The following BACE2 variants were observed in gnomAD, a reference collection of about 807,000 sequenced individuals.
BACE2 encodes 56 kDa aspartic-like protease.
A neutral mutation model predicts 46.2 loss-of-function variants in BACE2; 17 were observed. The observed-to-expected ratio is 0.37, with a 90% CI of 0.25 to 0.55. The LOEUF is 0.55. Ranked by LOEUF, BACE2 falls within the 20% of genes least tolerant of loss-of-function variation. The pLI is 0.82. For synonymous variants in BACE2, 277 were observed against 295.9 expected (o/e 0.94, Z 0.66); for missense variants, 595 against 698.1 (o/e 0.85, Z 1.66).
At chr21:41,246,186 G>A in intron 6 of BACE2, 123 bp downstream of exon 6, 2 of 562,180 alleles carry the variant, frequency 3.6e-6, no homozygotes, top group South Asian at 6.1e-5. Flanking sequence ...TTTTCATATT[G>A]TGTATTTGTA....
At chr21:41,211,466 A>C (rs1299962970) in intron 1 of BACE2, among the ~76,000 whole-genome samples, 6 of 152,252 alleles carry the variant, frequency 3.9e-5, no homozygotes, top group Non-Finnish European at 7.3e-5. Flanking sequence ...GAAATGGCGC[A>C]TGACAATTAT....
At chr21:41,263,328 C>G (rs937944838) in intron 8 of BACE2, among the ~76,000 whole-genome samples, 3 of 152,102 alleles carry the variant, frequency 2.0e-5, no homozygotes, top group African/African-American at 7.2e-5. Flanking sequence ...GAGACTTAAC[C>G]AGAAGGTTCA....
intron 5 of BACE2, among the ~76,000 whole-genome samples, chr21:41,245,200 C>T (rs1601302861): frequency 6.6e-6 from 1 of 152,314 alleles, no homozygotes; most frequent in East Asian, 1.9e-4. Flanking sequence ...TCTTAAAATT[C>T]TGAACCCCTC....
chr21:41,168,852 AG>A (rs1201991874), intron 1 of BACE2, among the ~76,000 whole-genome samples: 5 of 152,092 alleles, frequency 3.3e-5, no homozygotes, highest in Non-Finnish European at 5.9e-5. Context: ...GCGGGAGAGG[AG>A]ACCTGGAACT....
At chr21:41,225,101 G>T (rs931887729) in intron 1 of BACE2, among the ~76,000 whole-genome samples, 12 of 152,080 alleles carry the variant, frequency 7.9e-5, no homozygotes, top group Non-Finnish European at 1.8e-4. Context: ...GGGCTCGGTG[G>T]CGGGCACCTG....
intron 1 of BACE2, among the ~76,000 whole-genome samples, chr21:41,208,275 G>C (rs1402794382): frequency 6.6e-6 from 1 of 152,260 alleles, no homozygotes; most frequent in African/African-American, 2.4e-5. Flanking sequence ...CTCCACCAGA[G>C]GGGAATGTGG....
chr21:41,213,910 C>A (rs1986375272), intron 1 of BACE2, among the ~76,000 whole-genome samples: 1 of 152,104 alleles, frequency 6.6e-6, no homozygotes, highest in African/African-American at 2.4e-5. Context: ...AGCCATTTTC[C>A]TTGTCCAGAG....
At chr21:41,259,824 T>A (rs1270004803) in intron 8 of BACE2, among the ~76,000 whole-genome samples, 1 of 152,078 alleles carries the variant, frequency 6.6e-6, no homozygotes, top group Non-Finnish European at 1.5e-5. Flanking sequence ...TTTTTTTCTT[T>A]TTTTATTTTA....
At chr21:41,217,232 T>C (rs1160192273) in intron 1 of BACE2, among the ~76,000 whole-genome samples, 1 of 152,198 alleles carries the variant, frequency 6.6e-6, no homozygotes, top group Non-Finnish European at 1.5e-5. Flanking sequence ...CCCGGCCCAA[T>C]CTAGAGCTGT....
chr21:41,176,194 T>C (rs552649053), intron 1 of BACE2: 16 of 152,338 alleles, frequency 1.1e-4, no homozygotes, highest in African/African-American at 3.6e-4. Flanking sequence ...CCCAGACCAA[T>C]CTGCTTCAGC....
At chr21:41,179,814 G>T in intron 1 of BACE2, 1 of 475,460 alleles carries the variant, frequency 2.1e-6, no homozygotes, top group South Asian at 1.9e-5. Flanking sequence ...AGTGTCCTGG[G>T]CTGCTTTCTC....
At chr21:41,238,472 G>C (rs113566402) in intron 3 of BACE2, among the ~76,000 whole-genome samples, 2 of 152,242 alleles carry the variant, frequency 1.3e-5, no homozygotes, top group African/African-American at 4.8e-5. Context: ...CGCTAGGGGT[G>C]TGTGCAGGGC....
At position 41,223,623 on chromosome 21, in the gene BACE2, G is replaced by C. The variant is rs529649507; in HGVS notation, c.313-2643G>C. On this transcript the variant is annotated intron_variant, in intron 1 of 8. Transcript: ENST00000330333. ...GAAGGACGCCTGTGATACTGGATTA[G>C]AGCTCACCTCTGTGGTCCTCACCTT... 6.6e-5 allele frequency among the ~76,000 whole-genome samples: 10 copies of C among 152,338 alleles called. No individual in the cohort carries two copies. In the South Asian group the frequency reaches 2.1e-3, roughly 32 times the overall value.
intron 8 of BACE2, among the ~76,000 whole-genome samples, chr21:41,271,670 T>C (rs1181895816): frequency 6.6e-6 from 1 of 152,208 alleles, no homozygotes; most frequent in East Asian, 1.9e-4. Flanking sequence ...ATTTTAGTGG[T>C]TGCTTTAGAA....
chr21:41,250,354 C>A (rs2123616932), intron 6 of BACE2, among the ~76,000 whole-genome samples: 1 of 152,286 alleles, frequency 6.6e-6, no homozygotes, highest in South Asian at 2.1e-4. Context: ...CCTTGGGGGC[C>A]ACAATTAGGA....
intron 8 of BACE2, among the ~76,000 whole-genome samples, chr21:41,268,230 C>T (rs925985460): frequency 1.3e-5 from 2 of 152,032 alleles, no homozygotes; most frequent in Admixed American, 1.3e-4. Context: ...AACTGGGGGG[C>T]AAAGAAGTTA....
chr21:41,168,994 G>GCC (rs369583484), intron 1 of BACE2, among the ~76,000 whole-genome samples: 202 of 109,982 alleles, frequency 1.8e-3, no homozygotes, highest in African/African-American at 7.0e-3. Flanking sequence ...CCTCCCCCCC[G>GCC]CCCCCCCCCC....
At chr21:41,210,661 T>C (rs1986270760) in intron 1 of BACE2, among the ~76,000 whole-genome samples, 3 of 152,310 alleles carry the variant, frequency 2.0e-5, no homozygotes, top group African/African-American at 7.2e-5. Context: ...AGGAACCTCC[T>C]CCAGATAAGA....
chr21:41,212,346 C>T (rs189145755), intron 1 of BACE2, among the ~76,000 whole-genome samples: 46 of 152,312 alleles, frequency 3.0e-4, no homozygotes, highest in African/African-American at 1.0e-3. Flanking sequence ...TAATTGCCTC[C>T]CAAAGGCCTT....
Sources: allele counts gnomAD v4.1 joint callset (sites outside exome capture counted in the v4.1 genomes callset), GRCh38; gene constraint gnomAD v4.1.1; transcripts MANE v1.5; gene names NCBI Gene and HGNC (gene_info 2026-07-23, HGNC 2026-07-21).